The following SYNJ2BP variants were observed in gnomAD, a reference collection of about 807,000 sequenced individuals.
SYNJ2BP encodes synaptojanin-2-binding protein.
A neutral mutation model predicts 16.9 loss-of-function variants in SYNJ2BP; 10 were observed. The ratio of observed to expected loss-of-function variants is 0.59; its 90% CI spans 0.36 to 1.00. The LOEUF is 1.00. Among genes scored for constraint, SYNJ2BP ranks in the 50% least tolerant of loss-of-function variants. The pLI is 0.01. For synonymous variants in SYNJ2BP, 54 were observed against 68.4 expected (o/e 0.79, Z 1.04); for missense variants, 162 against 186.7 (o/e 0.87, Z 0.77).
At position 70,372,830 on chromosome 14, in the gene SYNJ2BP, A is replaced by C; in HGVS notation, c.*161T>G. The C allele has an allele frequency of 2.9e-6, 3 of 1,044,678 alleles. No homozygotes were observed. Among genetic ancestry groups the C allele is most frequent in the Non-Finnish European group, 2.7e-6 (2 of 729,626 alleles). The allele number at this position is 1,044,678 out of a possible 1,614,324, so 64.7% of individuals were successfully genotyped here. Reference sequence around the variant, plus strand: ...CAAACAATACCTTTACTTTCCCATTAGAATATGAAGAATTGGAGACTGTGA... The same window carrying C: ...CAAACAATACCTTTACTTTCCCATTCGAATATGAAGAATTGGAGACTGTGA... On this transcript the variant is annotated 3_prime_UTR_variant, in exon 4 of 4. Coordinates refer to ENST00000256366, the MANE Select transcript of SYNJ2BP (RefSeq NM_018373.3).
chr14:70,407,128 A>AT (rs1447189834), intron 1 of SYNJ2BP, among the ~76,000 whole-genome samples: 11 of 143,140 alleles, frequency 7.7e-5, no homozygotes, highest in Non-Finnish European at 9.0e-5. Flanking sequence ...AGTTTTTGCT[A>AT]TAAAAAATGG....
At chr14:70,410,522 C>A (rs1888449545) in intron 1 of SYNJ2BP, among the ~76,000 whole-genome samples, 2 of 152,046 alleles carry the variant, frequency 1.3e-5, no homozygotes, top group African/African-American at 2.4e-5. Flanking sequence ...GTGTGTCATG[C>A]ACTAGACAAA....
At chr14:70,409,602 A>G (rs114337390) in intron 1 of SYNJ2BP, among the ~76,000 whole-genome samples, 17 of 152,306 alleles carry the variant, frequency 1.1e-4, no homozygotes, top group African/African-American at 3.6e-4. Flanking sequence ...TCCTTGAAGC[A>G]ATCTTTAGAG....
At chr14:70,410,927 G>A (rs1888458970) in intron 1 of SYNJ2BP, among the ~76,000 whole-genome samples, 1 of 151,978 alleles carries the variant, frequency 6.6e-6, no homozygotes, top group African/African-American at 2.4e-5. Context: ...CCTGGGTGAC[G>A]AAAAAATCTG....
intron 1 of SYNJ2BP, among the ~76,000 whole-genome samples, chr14:70,406,442 C>G (rs889427439): frequency 6.6e-6 from 1 of 152,090 alleles, no homozygotes; most frequent in African/African-American, 2.4e-5. Context: ...AGATAACAGC[C>G]CTTTGCTGAA....
At chr14:70,396,182 G>A (rs1888089409) in intron 1 of SYNJ2BP, among the ~76,000 whole-genome samples, 1 of 152,066 alleles carries the variant, frequency 6.6e-6, no homozygotes. Context: ...GCAGTGGCGC[G>A]ATCTCCGCTC....
In SYNJ2BP at chr14:70,375,724, G is replaced by C. The variant is rs1165901308; in HGVS notation, c.249C>G (p.Asp83Glu). The C allele has an allele frequency of 2.5e-6, 4 of 1,614,102 alleles. No individual in the cohort carries two copies. The East Asian group carries it at 8.9e-5, about 36-fold the overall frequency. ...CAGCATAGCCTGCATTACGAAAGAG[G>C]TCTACAGCATCCTGGTGCAGCAGGT... is the stretch of plus-strand genomic sequence containing the variant. Reference protein sequence around the residue: ...LKNLLHQDAVDLFRNAGYAVS... With the variant: ...LKNLLHQDAVELFRNAGYAVS... The change falls in exon 3 of 4, where the codon GAC (aspartate) becomes GAG (glutamate). Residue 83 changes from aspartate to glutamate, a missense_variant. Transcript: ENST00000256366.
intron 2 of SYNJ2BP, among the ~76,000 whole-genome samples, chr14:70,385,350 TTTTTA>T (rs144302527): frequency 0.027 from 4,151 of 151,916 alleles, 177 homozygotes; most frequent in African/African-American, 0.094. Flanking sequence ...TCTTATTTTA[TTTTTA>T]TTTTATTTTA....
Position 70,372,908 on chromosome 14 carries a change from G to A in SYNJ2BP, c.*83C>T. ...CACTTCAAATCTGGCTATGCAGAGA[G>A]AGGGAAAGACATGGCAGAATAGCAG... On this transcript the variant is annotated 3_prime_UTR_variant, in exon 4 of 4. Transcript: ENST00000256366. 1 of 1,572,582 alleles carries A rather than the reference G, an allele frequency of 6.4e-7. No homozygotes were observed. The highest frequency in any genetic ancestry group is 1.2e-5 in the South Asian group (1 of 84,074).
At chr14:70,410,604 C>T (rs945748430) in intron 1 of SYNJ2BP, among the ~76,000 whole-genome samples, 3 of 151,846 alleles carry the variant, frequency 2.0e-5, no homozygotes, top group South Asian at 4.2e-4. Flanking sequence ...GCAAAGAGAT[C>T]GAATCAACCT....
chr14:70,404,176 A>T (rs1042493514), intron 1 of SYNJ2BP, among the ~76,000 whole-genome samples: 13 of 35,596 alleles, frequency 3.7e-4, no homozygotes, highest in African/African-American at 4.2e-4. Context: ...ATGAAAAATT[A>T]AAAAAAAAAA....
In SYNJ2BP at chr14:70,412,480, A is replaced by T. The variant is rs867400468; in HGVS notation, c.64+4420T>A. ...ATGTATGTATGTATAGTATATATACAGTATATATATGTATGTATAGTATAT... is the reference window on the plus strand; with the variant it reads ...ATGTATGTATGTATAGTATATATACTGTATATATATGTATGTATAGTATAT... On this transcript the variant is annotated intron_variant, in intron 1 of 3. Coordinates refer to ENST00000256366, the MANE Select transcript of SYNJ2BP (RefSeq NM_018373.3). 4.7e-5 allele frequency among the ~76,000 whole-genome samples: 7 copies of T among 148,842 alleles called. No homozygotes were observed. In the South Asian group the frequency reaches 8.3e-4, roughly 18 times the overall value.
At chr14:70,390,418 C>T (rs10132398) in intron 1 of SYNJ2BP, among the ~76,000 whole-genome samples, 6,283 of 152,072 alleles carry the variant, frequency 0.041, 160 homozygotes, top group Middle Eastern at 0.069. Flanking sequence ...ACTGTAATCC[C>T]AGCACTTTGG....
chr14:70,372,274 A>G lies in SYNJ2BP; in HGVS notation c.*717T>C, dbSNP rs1887533565. 1 of 152,346 alleles carries G rather than the reference A, an allele frequency of 6.6e-6. No individual in the cohort carries two copies. The highest frequency in any genetic ancestry group is 1.9e-4 in the East Asian group (1 of 5,186). The allele number at this position is 152,346 out of a possible 1,614,324, so 9.4% of individuals were successfully genotyped here. The stretch of plus-strand genomic sequence containing the variant: ...GGCATGAGCCACCTCTCCCAGTCTC[A>G]GTTATTATTTTAATAAATGAGACTG... On this transcript the variant is annotated 3_prime_UTR_variant, in exon 4 of 4. Transcript: ENST00000256366.
chr14:70,395,590 A>C (rs1237475887), intron 1 of SYNJ2BP, among the ~76,000 whole-genome samples: 3 of 152,200 alleles, frequency 2.0e-5, no homozygotes, highest in African/African-American at 4.8e-5. Flanking sequence ...ACTCCATTGG[A>C]TACACAACCC....
At chr14:70,404,983 TG>T (rs1442325989) in intron 1 of SYNJ2BP, among the ~76,000 whole-genome samples, 1 of 151,984 alleles carries the variant, frequency 6.6e-6, no homozygotes, top group South Asian at 2.1e-4. Context: ...AAAAATTATC[TG>T]GGTGTGGTGG....
intron 2 of SYNJ2BP, among the ~76,000 whole-genome samples, chr14:70,388,021 G>A (rs1160028391): frequency 6.6e-6 from 1 of 152,114 alleles, no homozygotes; most frequent in Non-Finnish European, 1.5e-5. Context: ...AGGGCTCTGA[G>A]TCTGAAAAGG....
chr14:70,412,479 C>G (rs906893644), intron 1 of SYNJ2BP, among the ~76,000 whole-genome samples: 1 of 145,542 alleles, frequency 6.9e-6, no homozygotes, highest in Admixed American at 6.9e-5. Flanking sequence ...AGTATATATA[C>G]AGTATATATA....
intron 1 of SYNJ2BP, among the ~76,000 whole-genome samples, chr14:70,402,687 A>G (rs1436853619): frequency 6.6e-6 from 1 of 151,780 alleles, no homozygotes; most frequent in African/African-American, 2.4e-5. Flanking sequence ...AAAGAAAGAA[A>G]TTTTTAAAAT....
Sources: gnomAD v4.1 joint callset for allele counts (sites outside exome capture counted in the v4.1 genomes callset) on GRCh38, gnomAD v4.1.1 for gene constraint, MANE v1.5 for transcripts, NCBI Gene and HGNC (gene_info 2026-07-23, HGNC 2026-07-21) for gene names.